KIAA0040: variants seen among roughly 807,000 people sequenced by gnomAD.
KIAA0040 encodes KIAA0040, also known as uncharacterized protein KIAA0040.
KIAA0040 carries 10 observed loss-of-function variants against 7.2 expected under a neutral mutation model. That is an observed-to-expected ratio of 1.38 (90% CI 0.85 to 2.34). The LOEUF is 2.34. KIAA0040 is among the 30% of genes most tolerant of loss of function. The pLI is 0.00. For missense variants in KIAA0040, 89 were observed against 108.2 expected, an observed-to-expected ratio of 0.82 and a Z score of 0.79; for synonymous variants, 49 against 40.1, an observed-to-expected ratio of 1.22 and a Z score of -0.84.
At chr1:175,167,408 C>A (rs1014656033) in intron 2 of KIAA0040, among the ~76,000 whole-genome samples, 4 of 152,120 alleles carry the variant, frequency 2.6e-5, no homozygotes, top group Non-Finnish European at 4.4e-5. Flanking sequence ...ATTAGATGAA[C>A]AAATTAGACC....
intron 1 of KIAA0040, among the ~76,000 whole-genome samples, chr1:175,186,993 A>C (rs1677683137): frequency 6.6e-6 from 1 of 152,182 alleles, no homozygotes; most frequent in East Asian, 1.9e-4. Context: ...GGCCTTGGGC[A>C]GGAGGGAAGT....
intron 2 of KIAA0040, among the ~76,000 whole-genome samples, chr1:175,173,424 T>C (rs1677063269): frequency 1.3e-5 from 2 of 152,206 alleles, no homozygotes; most frequent in Admixed American, 6.5e-5. Flanking sequence ...CATGGTCTCA[T>C]TCAACAACTC....
chr1:175,191,834 C>T (rs1677878942), intron 1 of KIAA0040, among the ~76,000 whole-genome samples: 1 of 152,172 alleles, frequency 6.6e-6, no homozygotes, highest in Admixed American at 6.5e-5. Flanking sequence ...CCTCGTATAA[C>T]GCAATCGGTG....
rs1332363559 is a variant in KIAA0040 at position 175,160,648 on chromosome 1, A to T, written c.*66T>A. On this transcript the variant is annotated 3_prime_UTR_variant, in exon 4 of 4. Coordinates refer to ENST00000423313, the MANE Select transcript of KIAA0040 (RefSeq NM_014656.3). ...TAGTGCATTATTTCAGGGGTTCCTGAAATGTCTGTGTGTGGTCAGAAGGAG... is the reference window on the plus strand; with the variant it reads ...TAGTGCATTATTTCAGGGGTTCCTGTAATGTCTGTGTGTGGTCAGAAGGAG... 3.6e-6 allele frequency: 5 copies of T among 1,406,678 alleles called. No individual in the cohort carries two copies. The highest frequency in any genetic ancestry group is 4.7e-6 in the Non-Finnish European group (5 of 1,056,626). 87.1% of individuals were successfully genotyped at this position (1,406,678 alleles called of 1,614,324 possible).
chr1:175,179,703 T>C lies in KIAA0040; in HGVS notation c.-383-2019A>G, dbSNP rs1289483672. ...AATATCCTACACTTACAACTCAGTT[T>C]AGTTTTTTAAAGGCTTCTGAAAACA... is the stretch of plus-strand genomic sequence containing the variant. On this transcript the variant is annotated intron_variant, in intron 1 of 3. Transcript: ENST00000423313. 3.9e-5 allele frequency among the ~76,000 whole-genome samples: 6 copies of C among 152,236 alleles called. No homozygotes were observed. In the East Asian group the frequency reaches 1.2e-3, roughly 29 times the overall value.
chr1:175,174,802 C>CATAT (rs3835506), intron 2 of KIAA0040, among the ~76,000 whole-genome samples: 2,749 of 144,538 alleles, frequency 0.019, 52 homozygotes, highest in African/African-American at 0.051. Context: ...TCTGTATATA[C>CATAT]ATATATATAT....
intron 3 of KIAA0040, among the ~76,000 whole-genome samples, chr1:175,163,264 T>C (rs1018893757): frequency 5.9e-5 from 9 of 152,252 alleles, no homozygotes; most frequent in African/African-American, 2.2e-4. Context: ...CCCAGTCTAT[T>C]GTAGGAAAGA....
chr1:175,160,704 T>C lies in KIAA0040; in HGVS notation c.*10A>G. ...GCCCCAGAAAGGAAACACCTCTGCT[T>C]CCTGCCTAACTAAACAGGCAGTGAT... On this transcript the variant is annotated 3_prime_UTR_variant, in exon 4 of 4. Transcript: ENST00000423313. The C allele has an allele frequency of 6.5e-7, 1 of 1,540,988 alleles. No homozygotes were observed. Among genetic ancestry groups the C allele is most frequent in the South Asian group, 1.2e-5 (1 of 82,336 alleles).
chr1:175,182,240 G>A (rs551989543), intron 1 of KIAA0040, among the ~76,000 whole-genome samples: 43 of 152,310 alleles, frequency 2.8e-4, no homozygotes, highest in African/African-American at 1.0e-3. Context: ...AGATTACTGT[G>A]TTAAGGGAAC....
Position 175,159,925 on chromosome 1 carries a change from C to A in KIAA0040, c.*789G>T, listed in dbSNP as rs1676459141. On this transcript the variant is annotated 3_prime_UTR_variant, in exon 4 of 4. Transcript: ENST00000423313. ...GATCACATTAAACACCTCTCAGTGG[C>A]AATGAGGACGGACTTTGTCATGAGT... 6.5e-6 allele frequency: 1 copy of A among 152,992 alleles called. No homozygotes were observed. Among genetic ancestry groups the A allele is most frequent in the Non-Finnish European group, 1.5e-5 (1 of 68,024 alleles). The allele number at this position is 152,992 out of a possible 1,614,324, so 9.5% of individuals were successfully genotyped here.
intron 2 of KIAA0040, among the ~76,000 whole-genome samples, chr1:175,170,239 G>A (rs1025744389): frequency 1.3e-5 from 2 of 152,170 alleles, no homozygotes; most frequent in Non-Finnish European, 2.9e-5. Context: ...GGTGAGCATC[G>A]TAAGTAAAGC....
chr1:175,170,210 C>A (rs1676931616), intron 2 of KIAA0040, among the ~76,000 whole-genome samples: 2 of 152,050 alleles, frequency 1.3e-5, no homozygotes, highest in South Asian at 4.1e-4. Context: ...GAGAGGGCAG[C>A]CAAGTGTGGC....
At chr1:175,175,106 G>A (rs1414849711) in intron 2 of KIAA0040, among the ~76,000 whole-genome samples, 4 of 152,152 alleles carry the variant, frequency 2.6e-5, no homozygotes, top group Non-Finnish European at 4.4e-5. Flanking sequence ...GCTTCTGGCC[G>A]ACTCCAATAA....
chr1:175,186,749 T>A (rs866804757), intron 1 of KIAA0040, among the ~76,000 whole-genome samples: 44 of 152,256 alleles, frequency 2.9e-4, no homozygotes, highest in African/African-American at 7.0e-4. Context: ...GCTTTCTTCC[T>A]GTACTTGTGA....
chr1:175,171,432 T>A (rs1297317502), intron 2 of KIAA0040, among the ~76,000 whole-genome samples: 2 of 152,260 alleles, frequency 1.3e-5, no homozygotes, highest in Non-Finnish European at 2.9e-5. Flanking sequence ...GTGAAGTTAA[T>A]TCAAGGGTTC....
At chr1:175,167,756 TTCCAGCAGATATGGGTGGGAGAACTC>T (rs1181227286) in intron 2 of KIAA0040, among the ~76,000 whole-genome samples, 1 of 152,044 alleles carries the variant, frequency 6.6e-6, no homozygotes, top group East Asian at 1.9e-4. Flanking sequence ...CTCAGGTGTT[TTCCAGCAGATATGGGTGGGAGAACTC>T]TCAGGCAGAG....
Position 175,160,989 on chromosome 1 carries a change from T to C in KIAA0040, c.25A>G (p.Ser9Gly), listed in dbSNP as rs1320581330. ...GTCAAGATGGTGTCCCAGATAGAGC[T>C]GAAGAAGGCACTGATTCTCTCCATG... MERISAFFSSIWDTILTKH... is the reference protein window; with the variant it reads MERISAFFGSIWDTILTKH... The change falls in exon 4 of 4, where the codon AGC (serine) becomes GGC (glycine). Residue 9 changes from serine (S) to glycine (G), a missense_variant. Ser to Gly is a moderately conservative substitution (Grantham distance 56). Transcript: ENST00000423313. 6.4e-7 allele frequency: 1 copy of C among 1,551,172 alleles called. No individual in the cohort carries two copies. Among genetic ancestry groups the C allele is most frequent in the Non-Finnish European group, 8.7e-7 (1 of 1,146,898 alleles).
At chr1:175,165,015 C>T (rs1022364195) in intron 3 of KIAA0040, among the ~76,000 whole-genome samples, 1 of 152,222 alleles carries the variant, frequency 6.6e-6, no homozygotes, top group Admixed American at 6.5e-5. Context: ...TGCCAACCAA[C>T]CTCATCTGTC....
chr1:175,160,619 G>C lies in KIAA0040; in HGVS notation c.*95C>G. On this transcript the variant is annotated 3_prime_UTR_variant, in exon 4 of 4. Coordinates refer to ENST00000423313, the MANE Select transcript of KIAA0040 (RefSeq NM_014656.3). Reference sequence around the variant, plus strand: ...GTTGAGTAGTTACTCTGTGGACATGGACATAGTGCATTATTTCAGGGGTTC... The same window carrying C: ...GTTGAGTAGTTACTCTGTGGACATGCACATAGTGCATTATTTCAGGGGTTC... 8.5e-7 allele frequency: 1 copy of C among 1,183,288 alleles called. No homozygotes were observed. The highest frequency in any genetic ancestry group is 1.2e-6 in the Non-Finnish European group (1 of 861,764). The allele number at this position is 1,183,288 out of a possible 1,614,324, so 73.3% of individuals were successfully genotyped here.
Sources: gnomAD v4.1 joint callset for allele counts (sites outside exome capture counted in the v4.1 genomes callset) on GRCh38, gnomAD v4.1.1 for gene constraint, MANE v1.5 for transcripts, NCBI Gene and HGNC (gene_info 2026-07-23, HGNC 2026-07-21) for gene names.